The following DLGAP1 variants were observed in gnomAD, a reference collection of about 807,000 sequenced individuals.
The protein encoded by DLGAP1 is disks large-associated protein 1.
In DLGAP1, 11 loss-of-function variants were observed where a neutral mutation model predicts 90.8. The observed-to-expected ratio is 0.12, with a 90% CI of 0.08 to 0.20. DLGAP1 has a LOEUF of 0.20. Among genes scored for constraint, DLGAP1 ranks in the 10% least tolerant of loss-of-function variants. DLGAP1 has a pLI of 1.00. For missense variants in DLGAP1, 1,050 were observed against 1,333.8 expected (o/e 0.79, Z 3.31); for synonymous variants, 558 against 540.7 (o/e 1.03, Z -0.44).
intron 7 of DLGAP1, chr18:3,598,419 A>G (rs2056710853): frequency 6.6e-6 from 1 of 151,534 alleles, no homozygotes; most frequent in Non-Finnish European, 1.5e-5. Context: ...ATAGATCCAG[A>G]GAAGAACTTG....
chr18:4,426,290 G>T (rs1363039213), intron 1 of DLGAP1, among the ~76,000 whole-genome samples: 1 of 152,162 alleles, frequency 6.6e-6, no homozygotes, highest in Admixed American at 6.5e-5. Context: ...GATAGAAGAA[G>T]ATATCTTCCC....
At chr18:3,908,731 G>A (rs1386406693) in intron 3 of DLGAP1, among the ~76,000 whole-genome samples, 1 of 152,066 alleles carries the variant, frequency 6.6e-6, no homozygotes, top group Non-Finnish European at 1.5e-5. Context: ...AGATTAGCAG[G>A]TAACATCCAA....
chr18:3,795,792 T>C (rs2065962029), intron 5 of DLGAP1, among the ~76,000 whole-genome samples: 1 of 152,064 alleles, frequency 6.6e-6, no homozygotes, highest in South Asian at 2.1e-4. Flanking sequence ...CCTATTTTCT[T>C]AGGGTTCCAG....
chr18:4,116,337 T>C (rs1286859196), intron 2 of DLGAP1, among the ~76,000 whole-genome samples: 2 of 152,192 alleles, frequency 1.3e-5, no homozygotes, highest in African/African-American at 4.8e-5. Flanking sequence ...TCTTTGTATT[T>C]CTCCTACTTG....
intron 1 of DLGAP1, among the ~76,000 whole-genome samples, chr18:4,204,508 GT>G (rs112859102): frequency 0.034 from 5,057 of 148,160 alleles, 130 homozygotes; most frequent in African/African-American, 0.062. Context: ...GACTGTTGTG[GT>G]TTTTTTTTTG....
intron 1 of DLGAP1, among the ~76,000 whole-genome samples, chr18:4,443,352 CAGG>C (rs2083582355): frequency 6.6e-6 from 1 of 152,212 alleles, no homozygotes; most frequent in Non-Finnish European, 1.5e-5. Flanking sequence ...CACACTCATG[CAGG>C]AGGAGCTGCT....
At chr18:4,080,476 A>T (rs1157105713) in intron 2 of DLGAP1, among the ~76,000 whole-genome samples, 3 of 151,344 alleles carry the variant, frequency 2.0e-5, no homozygotes, top group Non-Finnish European at 4.4e-5. Context: ...GGCTGGAAAC[A>T]TGATAATAGC....
chr18:3,937,579 C>T (rs2072670735), intron 3 of DLGAP1, among the ~76,000 whole-genome samples: 1 of 152,196 alleles, frequency 6.6e-6, no homozygotes, highest in South Asian at 2.1e-4. Context: ...CAAACCAGCA[C>T]ACTTACAGTT....
chr18:3,979,339 G>T (rs550117808), intron 3 of DLGAP1, among the ~76,000 whole-genome samples: 1 of 152,286 alleles, frequency 6.6e-6, no homozygotes, highest in East Asian at 1.9e-4. Context: ...CAGCCTAGTA[G>T]CAATGTGCTA....
Position 3,821,788 on chromosome 18 carries a change from C to T in DLGAP1, c.958-7515G>A, listed in dbSNP as rs765344085. ...CAGCGTTTTAGCATTTGTAAGAAGG[C>T]TCCACCCTGGACTTTAGGTTCCTGC... On this transcript the variant is annotated intron_variant, in intron 4 of 12. Coordinates refer to ENST00000315677, the MANE Select transcript of DLGAP1 (RefSeq NM_004746.4). 38 of 494,496 alleles carry T rather than the reference C, an allele frequency of 7.7e-5. No homozygotes were observed. In the South Asian group the frequency reaches 2.3e-3, roughly 30 times the overall value. The allele number at this position is 494,496 out of a possible 1,614,324, so 30.6% of individuals were successfully genotyped here. A position where few individuals can be genotyped will look rare whatever the true frequency, so the allele number is the denominator to read the frequency against.
intron 1 of DLGAP1, among the ~76,000 whole-genome samples, chr18:4,444,147 T>C (rs2083603862): frequency 6.6e-6 from 1 of 152,164 alleles, no homozygotes. Flanking sequence ...GCAGCTAACT[T>C]AGAGCCCACT....
chr18:3,787,943 A>G (rs1204401064), intron 5 of DLGAP1, among the ~76,000 whole-genome samples: 2 of 152,136 alleles, frequency 1.3e-5, no homozygotes, highest in Admixed American at 1.3e-4. Context: ...CCAAGTCTTT[A>G]TTAACTGGAC....
At chr18:4,193,802 T>G (rs1330891061) in intron 1 of DLGAP1, among the ~76,000 whole-genome samples, 1 of 152,198 alleles carries the variant, frequency 6.6e-6, no homozygotes, top group Non-Finnish European at 1.5e-5. Flanking sequence ...TTGCTTTTTC[T>G]GTTTTGAATA....
At chr18:3,859,932 T>C (rs2069922461) in intron 4 of DLGAP1, among the ~76,000 whole-genome samples, 1 of 151,994 alleles carries the variant, frequency 6.6e-6, no homozygotes, top group Non-Finnish European at 1.5e-5. Context: ...AACCCGTCTC[T>C]ACTAAAAATG....
chr18:3,683,001 C>G (rs912155043), intron 7 of DLGAP1, among the ~76,000 whole-genome samples: 1 of 151,940 alleles, frequency 6.6e-6, no homozygotes, highest in Non-Finnish European at 1.5e-5. Context: ...GGATTACAGG[C>G]GCGTGCCCTC....
At chr18:3,690,082 G>C (rs1167269552) in intron 7 of DLGAP1, among the ~76,000 whole-genome samples, 1 of 149,164 alleles carries the variant, frequency 6.7e-6, no homozygotes, top group South Asian at 2.1e-4. Flanking sequence ...AGTACCCTGC[G>C]GGCTGGGTGA....
chr18:4,024,310 G>A (rs548988088), intron 2 of DLGAP1, among the ~76,000 whole-genome samples: 2 of 152,276 alleles, frequency 1.3e-5, no homozygotes, highest in Non-Finnish European at 2.9e-5. Context: ...TGGAGCTTCT[G>A]AGAATGGAAC....
intron 7 of DLGAP1, among the ~76,000 whole-genome samples, chr18:3,643,585 C>T (rs57856461): frequency 6.7e-6 from 1 of 148,800 alleles, no homozygotes; most frequent in East Asian, 2.0e-4. Flanking sequence ...ATGGCGTGAA[C>T]CCGGGAGGCA....
chr18:3,744,991 G>A (rs1174899164), intron 5 of DLGAP1, among the ~76,000 whole-genome samples: 1 of 152,054 alleles, frequency 6.6e-6, no homozygotes, highest in Non-Finnish European at 1.5e-5. Context: ...TGAACTATTT[G>A]ACTAAAAAAA....
Sources: allele counts gnomAD v4.1 joint callset (sites outside exome capture counted in the v4.1 genomes callset), GRCh38; gene constraint gnomAD v4.1.1; transcripts MANE v1.5; gene names NCBI Gene and HGNC (gene_info 2026-07-23, HGNC 2026-07-21).